The following SHTN1 variants were observed in gnomAD, a reference collection of about 807,000 sequenced individuals.
SHTN1 encodes shootin 1.
Under a neutral mutation model 83.1 loss-of-function variants are expected in SHTN1, and 42 were observed. The ratio of observed to expected loss-of-function variants is 0.51; its 90% CI spans 0.39 to 0.65. The LOEUF (loss-of-function observed/expected upper bound fraction) is 0.65, where lower values mean the gene tolerates loss of function less well. SHTN1 is among the 30% of genes least tolerant of loss of function. SHTN1 has a pLI of 0.00. For synonymous variants in SHTN1, 224 were observed against 247.7 expected (o/e 0.90, Z 0.90); for missense variants, 622 against 737.8 (o/e 0.84, Z 1.82).
intron 1 of SHTN1, among the ~76,000 whole-genome samples, chr10:117,122,289 C>A (rs143939956): frequency 8.0e-4 from 122 of 152,252 alleles, no homozygotes; most frequent in African/African-American, 2.6e-3. Flanking sequence ...AAGTGATCCT[C>A]CCAACTCAAC....
intron 1 of SHTN1, among the ~76,000 whole-genome samples, chr10:116,990,983 G>A (rs946429999): frequency 1.6e-4 from 25 of 152,140 alleles, no homozygotes; most frequent in Non-Finnish European, 2.8e-4. Context: ...TCAGGAGATC[G>A]AGACCATCCT....
At position 116,996,654 on chromosome 10, in the gene SHTN1, T is replaced by C. The variant is rs1441363343; in HGVS notation, c.58+8368A>G. Among the ~76,000 whole-genome samples, 5 of 152,116 alleles carry C rather than the reference T, an allele frequency of 3.3e-5. No homozygotes were observed. The East Asian group carries it at 9.6e-4, about 29-fold the overall frequency. ...TGCTTTTCCTTTTTTTTCATAGAAA[T>C]GTCTCTTATTAAGTATTTGTATGCT... is the stretch of plus-strand genomic sequence containing the variant. On this transcript the variant is annotated intron_variant, in intron 1 of 16. Coordinates refer to ENST00000355371, the MANE Select transcript of SHTN1 (RefSeq NM_001127211.3).
At chr10:116,938,804 G>A (rs1849261945) in intron 9 of SHTN1, among the ~76,000 whole-genome samples, 1 of 152,352 alleles carries the variant, frequency 6.6e-6, no homozygotes, top group South Asian at 2.1e-4. Flanking sequence ...CAGGGAGATG[G>A]GAGTTTTATC....
chr10:116,989,154 A>C (rs1187578335), intron 1 of SHTN1, among the ~76,000 whole-genome samples: 1 of 152,192 alleles, frequency 6.6e-6, no homozygotes, highest in Non-Finnish European at 1.5e-5. Flanking sequence ...CAGAATTATT[A>C]TATTTAGTAA....
chr10:116,889,775 G>A (rs1206320839), intron 16 of SHTN1, among the ~76,000 whole-genome samples: 2 of 152,118 alleles, frequency 1.3e-5, no homozygotes, highest in East Asian at 1.9e-4. Context: ...CATTCTTTCC[G>A]AATCCGTTTC....
Position 116,948,928 on chromosome 10 carries a change from T to C in SHTN1, c.604A>G (p.Lys202Glu). The change falls in exon 7 of 17, where the codon AAA (lysine) becomes GAA (glutamate). Residue 202 changes from lysine (K) to glutamate (E), a missense_variant. Lys to Glu is a moderately conservative substitution (Grantham distance 56). Transcript: ENST00000355371. ...EVLEQRKVLE[K>E]CNRVSMLAVE... ...TGGACAGACTTACCTCTATTGCATT[T>C]TTCTAAGACTTTTCTCTGTTCAAGA... 1 of 1,575,010 alleles carries C rather than the reference T, an allele frequency of 6.3e-7. No homozygotes were observed. The highest frequency in any genetic ancestry group is 1.9e-5 in the Admixed American group (1 of 54,034).
intron 1 of SHTN1, among the ~76,000 whole-genome samples, chr10:117,058,271 A>G (rs1852853564): frequency 6.6e-6 from 1 of 152,186 alleles, no homozygotes; most frequent in African/African-American, 2.4e-5. Context: ...TTTGCAAATC[A>G]CATAACTGGT....
intron 1 of SHTN1, among the ~76,000 whole-genome samples, chr10:116,981,988 G>A (rs567531397): frequency 8.1e-4 from 124 of 152,282 alleles, no homozygotes; most frequent in African/African-American, 2.9e-3. Context: ...ATCCCGGGAG[G>A]CAGAGGTTGC....
At chr10:116,986,600 T>A (rs999109896) in intron 1 of SHTN1, among the ~76,000 whole-genome samples, 3 of 151,994 alleles carry the variant, frequency 2.0e-5, no homozygotes, top group Non-Finnish European at 2.9e-5. Flanking sequence ...GTAGCCACTG[T>A]TGACAGAGTG....
chr10:117,022,909 C>T (rs116057763), intron 2 of SHTN1, among the ~76,000 whole-genome samples: 1,962 of 152,226 alleles, frequency 0.013, 33 homozygotes, highest in African/African-American at 0.044. Flanking sequence ...CAGAGCAAAA[C>T]TCTGTCTAAA....
intron 16 of SHTN1, among the ~76,000 whole-genome samples, chr10:116,889,375 T>C (rs1005961742): frequency 7.2e-5 from 11 of 152,228 alleles, no homozygotes; most frequent in African/African-American, 2.4e-4. Context: ...GATTAATCTA[T>C]TATTAAGTCA....
chr10:117,071,672 T>A (rs978945173), intron 1 of SHTN1, among the ~76,000 whole-genome samples: 50 of 152,104 alleles, frequency 3.3e-4, no homozygotes, highest in Non-Finnish European at 1.0e-4. Context: ...AATCACATAA[T>A]TTAGTCAGCC....
At chr10:117,117,270 A>C (rs1031351979) in intron 1 of SHTN1, among the ~76,000 whole-genome samples, 1 of 152,198 alleles carries the variant, frequency 6.6e-6, no homozygotes, top group African/African-American at 2.4e-5. Context: ...AACGACGAAC[A>C]ATCTGAAAAA....
chr10:116,956,897 T>TTA (rs1850001902), intron 4 of SHTN1, among the ~76,000 whole-genome samples: 5 of 152,108 alleles, frequency 3.3e-5, no homozygotes, highest in Admixed American at 2.6e-4. Context: ...AATGTAAGAT[T>TTA]TATATATATG....
chr10:116,906,334 T>G (rs1384124181), intron 15 of SHTN1, among the ~76,000 whole-genome samples: 2 of 152,216 alleles, frequency 1.3e-5, no homozygotes, highest in African/African-American at 4.8e-5. Context: ...TGATGCTATA[T>G]TGTTGCCGAA....
chr10:117,049,984 TGGAA>T (rs975899863), intron 1 of SHTN1, among the ~76,000 whole-genome samples: 3 of 151,740 alleles, frequency 2.0e-5, no homozygotes, highest in African/African-American at 7.3e-5. Context: ...CCAAAGGAAG[TGGAA>T]GGAAGGAAAT....
chr10:116,995,626 C>A (rs971601611), intron 1 of SHTN1, among the ~76,000 whole-genome samples: 1 of 151,992 alleles, frequency 6.6e-6, no homozygotes, highest in Admixed American at 6.6e-5. Context: ...TAGGCATTTG[C>A]ATAAGTTCAG....
intron 3 of SHTN1, 69 bp downstream of exon 3, chr10:116,968,583 A>G (rs1408243386): frequency 1.8e-5 from 20 of 1,123,338 alleles, no homozygotes; most frequent in African/African-American, 3.1e-5. Context: ...TCAATAGGGT[A>G]TAAGTCTACT....
At chr10:116,971,241 T>C (rs1389296676) in intron 2 of SHTN1, among the ~76,000 whole-genome samples, 1 of 152,156 alleles carries the variant, frequency 6.6e-6, no homozygotes, top group Non-Finnish European at 1.5e-5. Context: ...CAAAATGAGT[T>C]AGGCTGGACC....
Sources: gnomAD v4.1 joint callset for allele counts (sites outside exome capture counted in the v4.1 genomes callset) on GRCh38, gnomAD v4.1.1 for gene constraint, MANE v1.5 for transcripts, NCBI Gene and HGNC (gene_info 2026-07-23, HGNC 2026-07-21) for gene names.